The following TYK2 variants were observed in gnomAD, a reference collection of about 807,000 sequenced individuals.
The protein encoded by TYK2 is tyrosine kinase 2, also known as non-receptor tyrosine-protein kinase TYK2.
In TYK2, 65 loss-of-function variants were observed where a neutral mutation model predicts 130.9. That is an observed-to-expected ratio of 0.50 (90% confidence interval 0.41 to 0.61). The LOEUF (loss-of-function observed/expected upper bound fraction) is 0.61. TYK2 is among the 20% of genes least tolerant of loss of function. TYK2 has a pLI of 0.00. For missense variants in TYK2, 1,378 were observed against 1,610.7 expected (o/e 0.86, Z 2.47); for synonymous variants, 647 against 658.9 (o/e 0.98, Z 0.28).
rs56222823 is a variant in TYK2, at chr19:10,366,529, C to T, written c.517G>A (p.Glu173Lys). The T allele has an allele frequency of 5.0e-5, 80 of 1,613,906 alleles. No individual in the cohort carries two copies. The East Asian group carries it at 5.8e-4, about 12-fold the overall frequency. ...DVASLWELST[E>K]EEIHHFKNES... The stretch of plus-strand genomic sequence containing the variant: ...TTCTTAAAGTGGTGGATCTCCTCCT[C>T]GGTCGACAGCTCCCACAGTGATGCC... The change falls in exon 6 of 25, where the codon GAG becomes AAG. Residue 173 changes from glutamate to lysine, a missense_variant. Transcript: ENST00000525621.
At chr19:10,369,635 G>A in intron 3 of TYK2, 1 of 423,898 alleles carries the variant, frequency 2.4e-6, no homozygotes, top group South Asian at 1.7e-5. Flanking sequence ...CATGTCCTGG[G>A]GCTCCATCCA....
chr19:10,378,025 G>C (rs1160488845), intron 3 of TYK2, among the ~76,000 whole-genome samples, 189 bp downstream of exon 3: 1 of 133,128 alleles, frequency 7.5e-6, no homozygotes. Flanking sequence ...TGGATGGATG[G>C]GTGGGTGGGT....
chr19:10,362,081 G>A lies in TYK2; in HGVS notation c.1770C>T (p.Thr590=). The part of the protein sequence containing the change: ...SFHRVDQKEI[T]QLSHLGQGTR... ...CGGGCCCCTTCCCTGCACCCACCTGGGTGATCTCCTTCTGGTCAACCCGGT... is the reference window on the plus strand; with the variant it reads ...CGGGCCCCTTCCCTGCACCCACCTGAGTGATCTCCTTCTGGTCAACCCGGT... Residue 590 remains threonine, a synonymous_variant, in exon 12 of 25, where the codon ACC becomes ACT. Coordinates refer to ENST00000525621, the MANE Select transcript of TYK2 (RefSeq NM_003331.5). 1 of 1,614,070 alleles carries A rather than the reference G, an allele frequency of 6.2e-7. No homozygotes were observed.
intron 23 of TYK2, among the ~76,000 whole-genome samples, chr19:10,351,832 G>A (rs914560673): frequency 3.3e-5 from 5 of 151,894 alleles, no homozygotes; most frequent in Non-Finnish European, 7.4e-5. Flanking sequence ...TTCGCCTACC[G>A]GGTTCAAGCA....
rs2040946479 is a variant in TYK2, at chr19:10,353,962, G to A, written c.2908+80C>T. 1.4e-6 allele frequency: 2 copies of A among 1,464,844 alleles called. No individual in the cohort carries two copies. Among genetic ancestry groups the A allele is most frequent in the South Asian group, 1.2e-5 (1 of 86,894 alleles). The allele number at this position is 1,464,844 out of a possible 1,614,324, so 90.7% of individuals were successfully genotyped here. On this transcript the variant is annotated intron_variant, in intron 20 of 24. Transcript: ENST00000525621. This position sits in a 1 kb window ranked among gnomAD's most constrained non-coding sequence, Gnocchi z 6.9. ...TGAGAGTCTCTAATTGGCTAGGCCA[G>A]ACTGGCCCCGCCCACAAGGCCACAC... is the stretch of plus-strand genomic sequence containing the variant.
intron 3 of TYK2, chr19:10,368,712 C>T (rs994228733): frequency 1.7e-5 from 7 of 412,638 alleles, no homozygotes; most frequent in Non-Finnish European, 3.2e-5. Context: ...AATTCTCTTG[C>T]CACCTTCACC....
chr19:10,354,412 C>T (rs2040976365), intron 19 of TYK2, 100 bp downstream of exon 19: 9 of 1,385,376 alleles, frequency 6.5e-6, no homozygotes, highest in African/African-American at 1.4e-5. Context: ...AGGGTCCCAC[C>T]CACATCTCCT....
At chr19:10,373,716 T>C (rs1168882193) in intron 3 of TYK2, among the ~76,000 whole-genome samples, 1 of 152,152 alleles carries the variant, frequency 6.6e-6, no homozygotes, top group Non-Finnish European at 1.5e-5. Flanking sequence ...GGCTTAAACC[T>C]TCCATGGCTC....
At position 10,361,996 on chromosome 19, in the gene TYK2, T is replaced by G. The variant is rs375101625; in HGVS notation, c.1774-41A>C. 7 of 1,613,708 alleles carry G rather than the reference T, an allele frequency of 4.3e-6. No homozygotes were observed. Among genetic ancestry groups the G allele is most frequent in the Non-Finnish European group, 5.9e-6 (7 of 1,179,818 alleles). On this transcript the variant is annotated intron_variant, in intron 12 of 24. Coordinates refer to ENST00000525621, the MANE Select transcript of TYK2 (RefSeq NM_003331.5). This position sits in a 1 kb window ranked among gnomAD's most constrained non-coding sequence, Gnocchi z 4.0. ...GCACAGAATACCGCCATGGTGAAAG[T>G]TAGCAGCTGATCTCCCAGGGCCCCC...
intron 3 of TYK2, among the ~76,000 whole-genome samples, chr19:10,372,261 G>A (rs2041935939): frequency 6.7e-6 from 1 of 148,698 alleles, no homozygotes; most frequent in Non-Finnish European, 1.5e-5. Flanking sequence ...CCAAAGTGCT[G>A]GGATTACAGG....
chr19:10,364,496 A>C lies in TYK2; in HGVS notation c.1367+118T>G. 4 of 1,292,490 alleles carry C rather than the reference A, an allele frequency of 3.1e-6. No individual in the cohort carries two copies. The highest frequency in any genetic ancestry group is 4.3e-6 in the Non-Finnish European group (4 of 924,298). 80.1% of individuals were successfully genotyped at this position (1,292,490 alleles called of 1,614,324 possible). ...GCCACTGCACTCCAGTTTGGGCGAC[A>C]AAAAATAAAAAAAAAATAAGACGTG... On this transcript the variant is annotated intron_variant, in intron 9 of 24. Coordinates refer to ENST00000525621, the MANE Select transcript of TYK2 (RefSeq NM_003331.5). This position sits in a 1 kb window ranked among gnomAD's most constrained non-coding sequence, Gnocchi z 4.9.
At position 10,362,287 on chromosome 19, in the gene TYK2, C is replaced by T. The variant is rs536181491; in HGVS notation, c.1646G>A (p.Arg549His). The T allele has an allele frequency of 7.2e-5, 117 of 1,614,144 alleles. 1 individual carries two copies. The highest frequency in any genetic ancestry group is 8.7e-5 in the Non-Finnish European group (103 of 1,180,028). The change falls in exon 11 of 25, where the codon CGC (arginine) becomes CAC (histidine). Residue 549 changes from arginine to histidine, a missense_variant. Transcript: ENST00000525621. ...ACCTCCTGGTTGGGGCAGGCAACAG[C>T]GACGCAGAGAGAAGCAGTCATCCCC... ...RAGDDCFSLR[R>H]CCLPQPGETS...
In TYK2 at chr19:10,361,720, C is replaced by T. The variant is rs369359959; in HGVS notation, c.1959+50G>A. ...CACACCCCTCCCATCCCACCTCCTC[C>T]GGCCACCTCCTCCACAGACACACCC... On this transcript the variant is annotated intron_variant, in intron 13 of 24. Coordinates refer to ENST00000525621, the MANE Select transcript of TYK2 (RefSeq NM_003331.5). The surrounding 1 kb of genome is among the most constrained non-coding windows in gnomAD (Gnocchi z 4.0). 49 of 1,598,814 alleles carry T rather than the reference C, an allele frequency of 3.1e-5. No individual in the cohort carries two copies. Among genetic ancestry groups the T allele is most frequent in the East Asian group, 4.5e-5 (2 of 44,806 alleles).
chr19:10,362,040 GGCCCT>G, intron 12 of TYK2, 33 bp downstream of exon 12: 1 of 1,613,070 alleles, frequency 6.2e-7, no homozygotes, highest in Non-Finnish European at 8.5e-7. Flanking sequence ...CATCCCCAGG[GGCCCT>G]GCCCTTGCCC....
intron 3 of TYK2, among the ~76,000 whole-genome samples, chr19:10,369,299 A>G (rs924222326): frequency 2.1e-4 from 32 of 151,600 alleles, no homozygotes; most frequent in African/African-American, 7.8e-4. Flanking sequence ...CCCCTTAGAT[A>G]TGGCTTGTTC....
rs12720323 is a variant in TYK2, at chr19:10,353,334, G to T, written c.3027+194C>A. The stretch of plus-strand genomic sequence containing the variant: ...AGGGCGAGTTGGGAGGGGCCGAGCC[G>T]GCTGTGCGTGGTCCCTTGGGAGGAG... On this transcript the variant is annotated intron_variant, in intron 21 of 24. Coordinates refer to ENST00000525621, the MANE Select transcript of TYK2 (RefSeq NM_003331.5). This position sits in a 1 kb window ranked among gnomAD's most constrained non-coding sequence, Gnocchi z 6.9. The T allele has an allele frequency of 9.7e-3, 5,586 of 575,212 alleles. 241 individuals are homozygous for T. Among genetic ancestry groups the T allele is most frequent in the African/African-American group, 0.095 (5,000 of 52,678 alleles). The allele number at this position is 575,212 out of a possible 1,614,324, so 35.6% of individuals were successfully genotyped here.
chr19:10,353,732 A>C lies in TYK2; in HGVS notation c.2909-86T>G, dbSNP rs943627776. ...CCTTGAGCCCAGCAGAGCCCCTCCA[A>C]GGTCGGGAGGGAAGGCCAAGACCCG... On this transcript the variant is annotated intron_variant, in intron 20 of 24. Coordinates refer to ENST00000525621, the MANE Select transcript of TYK2 (RefSeq NM_003331.5). This position sits in a 1 kb window ranked among gnomAD's most constrained non-coding sequence, Gnocchi z 6.9. 4 of 1,065,376 alleles carry C rather than the reference A, an allele frequency of 3.8e-6. No individual in the cohort carries two copies. Among genetic ancestry groups the C allele is most frequent in the Middle Eastern group, 3.1e-4 (1 of 3,184 alleles). The allele number at this position is 1,065,376 out of a possible 1,614,324, so 66.0% of individuals were successfully genotyped here.
Position 10,364,515 on chromosome 19 carries a change from AG to A in TYK2, c.1367+98del. ...GGCGACAAAAAATAAAAAAAAAATA[AG>A]ACGTGCACCTACACACACACCCTGC... On this transcript the variant is annotated intron_variant, in intron 9 of 24. Transcript: ENST00000525621. This position sits in a 1 kb window ranked among gnomAD's most constrained non-coding sequence, Gnocchi z 4.9. 7.3e-7 allele frequency: 1 copy of A among 1,369,146 alleles called. No individual in the cohort carries two copies. The highest frequency in any genetic ancestry group is 2.0e-5 in the Admixed American group (1 of 50,110). 84.8% of individuals were successfully genotyped at this position (1,369,146 alleles called of 1,614,324 possible). A position where few individuals can be genotyped will look rare whatever the true frequency, so the allele number is the denominator to read the frequency against.
At chr19:10,377,571 G>A (rs1480287575) in intron 3 of TYK2, among the ~76,000 whole-genome samples, 10 of 114,920 alleles carry the variant, frequency 8.7e-5, no homozygotes, top group East Asian at 2.9e-4. Flanking sequence ...TGGATGGGTG[G>A]GTGGGTGGAT....
Sources: gnomAD v4.1 joint callset for allele counts (sites outside exome capture counted in the v4.1 genomes callset) on GRCh38, gnomAD v4.1.1 for gene constraint, Gnocchi (gnomAD v3.1) non-coding constraint, MANE v1.5 for transcripts, NCBI Gene and HGNC (gene_info 2026-07-23, HGNC 2026-07-21) for gene names.